SLC9A9: variants seen among roughly 807,000 people sequenced by gnomAD.
SLC9A9 encodes the protein sodium/hydrogen exchanger 9.
In SLC9A9, 62 loss-of-function variants were observed where a neutral mutation model predicts 77.8. The ratio of observed to expected loss-of-function variants is 0.80; its 90% CI spans 0.65 to 0.98. The LOEUF is 0.98. SLC9A9 is among the 50% of genes least tolerant of loss of function. The pLI, the probability that SLC9A9 is intolerant of heterozygous loss-of-function variation, is 0.00. For synonymous variants in SLC9A9, 320 were observed against 283.5 expected (o/e 1.13, Z -1.29); for missense variants, 775 against 774.9 (o/e 1.00, Z 0.00).
chr3:143,339,728 C>T (rs1272383652), intron 14 of SLC9A9, among the ~76,000 whole-genome samples: 1 of 152,144 alleles, frequency 6.6e-6, no homozygotes, highest in Non-Finnish European at 1.5e-5. Context: ...TCAATAATCA[C>T]GTCTACTCTG....
intron 9 of SLC9A9, among the ~76,000 whole-genome samples, chr3:143,551,559 T>A (rs901454699): frequency 1.3e-5 from 2 of 152,344 alleles, no homozygotes; most frequent in East Asian, 3.9e-4. Context: ...GATCTTTACC[T>A]AGTTAACTTC....
chr3:143,715,995 T>A (rs1295843150), intron 4 of SLC9A9, among the ~76,000 whole-genome samples: 1 of 152,218 alleles, frequency 6.6e-6, no homozygotes, highest in Non-Finnish European at 1.5e-5. Flanking sequence ...GCCACCATCG[T>A]CCATAGCAAC....
At chr3:143,363,442 G>A (rs1211845994) in intron 14 of SLC9A9, 42 bp downstream of exon 14, 4 of 1,566,872 alleles carry the variant, frequency 2.6e-6, no homozygotes, top group Non-Finnish European at 3.5e-6. Context: ...GTAATTCTCT[G>A]CCTGCAGCAG....
chr3:143,598,363 A>C (rs2037792443), intron 6 of SLC9A9, among the ~76,000 whole-genome samples: 2 of 152,200 alleles, frequency 1.3e-5, no homozygotes, highest in African/African-American at 2.4e-5. Flanking sequence ...AATTAAGGAG[A>C]TGTGTCTAAA....
At chr3:143,595,096 C>T (rs2037731244) in intron 6 of SLC9A9, among the ~76,000 whole-genome samples, 2 of 152,146 alleles carry the variant, frequency 1.3e-5, no homozygotes, top group Admixed American at 6.5e-5. Flanking sequence ...ACCTGGAAGA[C>T]TTCTTTTTGA....
At chr3:143,341,810 T>C (rs1474582083) in intron 14 of SLC9A9, among the ~76,000 whole-genome samples, 1 of 152,220 alleles carries the variant, frequency 6.6e-6, no homozygotes, top group Non-Finnish European at 1.5e-5. Flanking sequence ...ATATTTTCCC[T>C]GTAGTGTTTA....
intron 4 of SLC9A9, among the ~76,000 whole-genome samples, chr3:143,745,157 G>T (rs1321695511): frequency 2.6e-5 from 4 of 152,030 alleles, no homozygotes; most frequent in Admixed American, 2.6e-4. Flanking sequence ...TGATGTTCAG[G>T]CAATAACTCA....
chr3:143,744,357 C>G (rs554194905), intron 4 of SLC9A9, among the ~76,000 whole-genome samples: 4 of 152,132 alleles, frequency 2.6e-5, no homozygotes, highest in Non-Finnish European at 5.9e-5. Context: ...CCTCGTGGTG[C>G]CTCTTGATTG....
At chr3:143,460,542 G>A (rs1278903432) in intron 12 of SLC9A9, among the ~76,000 whole-genome samples, 1 of 151,942 alleles carries the variant, frequency 6.6e-6, no homozygotes, top group African/African-American at 2.4e-5. Flanking sequence ...TCCTTTAATA[G>A]ACCAGAATGT....
intron 4 of SLC9A9, among the ~76,000 whole-genome samples, chr3:143,708,732 T>C (rs1934062309): frequency 6.6e-6 from 1 of 152,226 alleles, no homozygotes; most frequent in Non-Finnish European, 1.5e-5. Context: ...TGGGCTATTC[T>C]GCCTTCTGTA....
At chr3:143,661,617 G>A (rs1405285695) in intron 5 of SLC9A9, among the ~76,000 whole-genome samples, 2 of 152,130 alleles carry the variant, frequency 1.3e-5, no homozygotes, top group African/African-American at 4.8e-5. Flanking sequence ...AACATCTCCA[G>A]TCCCCTTCTC....
At chr3:143,367,362 G>A (rs965975139) in intron 13 of SLC9A9, among the ~76,000 whole-genome samples, 1 of 152,014 alleles carries the variant, frequency 6.6e-6, no homozygotes, top group African/African-American at 2.4e-5. Context: ...TCCCAGGTGG[G>A]GAAAATACCA....
At chr3:143,815,242 C>G (rs1191407078) in intron 2 of SLC9A9, among the ~76,000 whole-genome samples, 1 of 152,104 alleles carries the variant, frequency 6.6e-6, no homozygotes, top group East Asian at 1.9e-4. Context: ...GGATGGTTTT[C>G]ATAGTAAAAA....
At chr3:143,818,981 G>A (rs1157912277) in intron 2 of SLC9A9, among the ~76,000 whole-genome samples, 1 of 152,140 alleles carries the variant, frequency 6.6e-6, no homozygotes, top group Non-Finnish European at 1.5e-5. Context: ...TACTCAGGAG[G>A]CTGAGGTAGG....
chr3:143,606,436 C>CTCTCTCTATATATATATATA (rs1419410834), intron 6 of SLC9A9, among the ~76,000 whole-genome samples: 45 of 54,192 alleles, frequency 8.3e-4, no homozygotes, highest in African/African-American at 2.2e-3. Context: ...CTCTCTCTCT[C>CTCTCTCTATATATATATATA]TATATATATA....
chr3:143,667,757 G>A (rs1437794698), intron 5 of SLC9A9, among the ~76,000 whole-genome samples: 1 of 152,198 alleles, frequency 6.6e-6, no homozygotes, highest in East Asian at 1.9e-4. Flanking sequence ...GGCCATCAGA[G>A]AAATGTAAAT....
intron 5 of SLC9A9, among the ~76,000 whole-genome samples, chr3:143,666,568 T>C (rs1486342998): frequency 1.3e-5 from 2 of 152,202 alleles, no homozygotes; most frequent in East Asian, 1.9e-4. Context: ...GATGACATGA[T>C]TGTATATTTA....
chr3:143,283,378 G>A (rs1938282588), intron 14 of SLC9A9, among the ~76,000 whole-genome samples: 1 of 152,080 alleles, frequency 6.6e-6, no homozygotes, highest in Admixed American at 6.6e-5. Flanking sequence ...ATTTCCCTAG[G>A]GCAGTTCTTG....
chr3:143,314,905 A>AT (rs1259574339), intron 14 of SLC9A9, among the ~76,000 whole-genome samples: 1 of 152,236 alleles, frequency 6.6e-6, no homozygotes, highest in Non-Finnish European at 1.5e-5. Context: ...GAATTGGTCC[A>AT]TCACTGCACT....
Sources: allele counts gnomAD v4.1 joint callset (sites outside exome capture counted in the v4.1 genomes callset), GRCh38; gene constraint gnomAD v4.1.1; transcripts MANE v1.5; gene names NCBI Gene and HGNC (gene_info 2026-07-23, HGNC 2026-07-21).